KANSL1: variants seen among roughly 807,000 people sequenced by gnomAD.
The protein encoded by KANSL1 is MLL1/MLL complex subunit KANSL1.
In KANSL1, 22 loss-of-function variants were observed where a neutral mutation model predicts 103.6. The ratio of observed to expected loss-of-function variants is 0.21; its 90% CI spans 0.15 to 0.30. The LOEUF is 0.30. Ranked by LOEUF, KANSL1 falls within the 10% of genes least tolerant of loss-of-function variation. KANSL1 has a pLI of 1.00. For synonymous variants in KANSL1, 600 were observed against 527.6 expected, an observed-to-expected ratio of 1.14 and a Z score of -1.88; for missense variants, 1,337 against 1,399.8, an observed-to-expected ratio of 0.96 and a Z score of 0.72.
At chr17:46,092,702 GTT>G (rs1182576324) in intron 3 of KANSL1, among the ~76,000 whole-genome samples, 4 of 33,434 alleles carry the variant, frequency 1.2e-4, no homozygotes, top group African/African-American at 6.4e-4. Flanking sequence ...CTGTTGGGTT[GTT>G]TTTTTTTTTT....
At chr17:46,158,271 A>G (rs1282242015) in intron 2 of KANSL1, among the ~76,000 whole-genome samples, 2 of 152,248 alleles carry the variant, frequency 1.3e-5, no homozygotes, top group Non-Finnish European at 2.9e-5. Context: ...TTCCTTTTTA[A>G]AAAAGCAAGA....
intron 8 of KANSL1, 121 bp downstream of exon 8, chr17:46,039,581 T>C: frequency 8.9e-7 from 1 of 1,118,580 alleles, no homozygotes; most frequent in Non-Finnish European, 1.3e-6. Flanking sequence ...GTGAGCTGAA[T>C]TTTTTATCGG....
intron 2 of KANSL1, among the ~76,000 whole-genome samples, chr17:46,100,541 T>C (rs1311177041): frequency 1.3e-5 from 2 of 152,074 alleles, no homozygotes; most frequent in Non-Finnish European, 2.9e-5. Context: ...TCAGCTTACA[T>C]GTTGGCTAAA....
At chr17:46,096,302 CTTTTTTTTCT>C (rs2042062691) in intron 2 of KANSL1, among the ~76,000 whole-genome samples, 1 of 82,566 alleles carries the variant, frequency 1.2e-5, no homozygotes, top group African/African-American at 5.4e-5. Flanking sequence ...ACATACCTGG[CTTTTTTTTCT>C]TTTTTTTTTT....
intron 2 of KANSL1, among the ~76,000 whole-genome samples, chr17:46,115,115 C>T (rs2042987160): frequency 6.6e-6 from 1 of 152,050 alleles, no homozygotes; most frequent in Non-Finnish European, 1.5e-5. Flanking sequence ...GGCAGGAGTG[C>T]AATGCACAAT....
intron 4 of KANSL1, among the ~76,000 whole-genome samples, chr17:46,080,743 T>C (rs1449345817): frequency 1.3e-5 from 2 of 150,992 alleles, no homozygotes; most frequent in East Asian, 1.9e-4. Flanking sequence ...CTTAATACTT[T>C]CTGAACGCTT....
intron 10 of KANSL1, 61 bp from the exon 11 acceptor site, chr17:46,034,346 T>C (rs2077090653): frequency 1.9e-6 from 3 of 1,583,904 alleles, no homozygotes; most frequent in Non-Finnish European, 1.7e-6. Context: ...AAATCATTCA[T>C]CTAAGAGTTA....
chr17:46,219,647 T>G (rs2048457257), intron 1 of KANSL1, among the ~76,000 whole-genome samples: 1 of 152,282 alleles, frequency 6.6e-6, no homozygotes, highest in Admixed American at 6.5e-5. Context: ...ATTACAGGCG[T>G]GAGCCATCGC....
chr17:46,183,065 T>G (rs1468020988), intron 1 of KANSL1, among the ~76,000 whole-genome samples: 1 of 152,210 alleles, frequency 6.6e-6, no homozygotes, highest in African/African-American at 2.4e-5. Context: ...GCAATCCTCA[T>G]ACAGGCTGAG....
At chr17:46,209,016 A>T (rs1016341619) in intron 1 of KANSL1, among the ~76,000 whole-genome samples, 8 of 151,534 alleles carry the variant, frequency 5.3e-5, no homozygotes, top group African/African-American at 1.9e-4. Flanking sequence ...ACTAAAAAAA[A>T]ACCAAAAACT....
intron 6 of KANSL1, among the ~76,000 whole-genome samples, chr17:46,064,593 TGA>T (rs1489969032): frequency 5.3e-5 from 8 of 152,198 alleles, no homozygotes; most frequent in Admixed American, 3.3e-4. Context: ...TTCATCTTAC[TGA>T]TCCTGTCTGT....
chr17:46,214,382 G>A (rs1387064572), intron 1 of KANSL1, among the ~76,000 whole-genome samples: 1 of 152,196 alleles, frequency 6.6e-6, no homozygotes, highest in East Asian at 1.9e-4. Flanking sequence ...GGCCGGGTAT[G>A]GTGGCTCACG....
At chr17:46,160,376 C>A (rs906696473) in intron 2 of KANSL1, among the ~76,000 whole-genome samples, 3 of 152,194 alleles carry the variant, frequency 2.0e-5, no homozygotes, top group African/African-American at 7.2e-5. Context: ...CGACTCACTG[C>A]AACCTCTACC....
intron 4 of KANSL1, among the ~76,000 whole-genome samples, chr17:46,079,584 T>C (rs1035659601): frequency 3.9e-5 from 6 of 152,260 alleles, no homozygotes; most frequent in Non-Finnish European, 2.9e-5. Flanking sequence ...TGAGTAATCA[T>C]ATTCCTGCAT....
chr17:46,064,579 A>T (rs960463526), intron 6 of KANSL1, among the ~76,000 whole-genome samples: 1 of 152,132 alleles, frequency 6.6e-6, no homozygotes, highest in Non-Finnish European at 1.5e-5. Flanking sequence ...CTCAATTCTC[A>T]GCCTTCATCT....
rs140181991 is a variant in KANSL1, at chr17:46,171,344, T to C, written c.800A>G (p.Lys267Arg). Reference protein sequence around the residue: ...NLGGVKLEGKKSPLSSILFSA... With the variant: ...NLGGVKLEGKRSPLSSILFSA... ...GAAAAGAATGGAAGACAGGGGAGACTTTTTACCCTCCAATTTGACACCCCC... is the reference window on the plus strand; with the variant it reads ...GAAAAGAATGGAAGACAGGGGAGACCTTTTACCCTCCAATTTGACACCCCC... Residue 267 changes from lysine to arginine, a missense_variant, in exon 2 of 15, where the codon AAG becomes AGG. Transcript: ENST00000432791. The C allele has an allele frequency of 4.3e-4, 690 of 1,614,148 alleles. 3 individuals are homozygous for C. The highest frequency in any genetic ancestry group is 1.5e-4 in the Non-Finnish European group (173 of 1,180,036).
chr17:46,081,636 G>A (rs564065972), intron 4 of KANSL1, among the ~76,000 whole-genome samples: 1 of 152,254 alleles, frequency 6.6e-6, no homozygotes, highest in East Asian at 1.9e-4. Flanking sequence ...ATGCGTTCCT[G>A]CTAACAATGA....
At chr17:46,084,048 T>TA (rs1440467733) in intron 3 of KANSL1, among the ~76,000 whole-genome samples, 1 of 152,198 alleles carries the variant, frequency 6.6e-6, no homozygotes, top group African/African-American at 2.4e-5. Context: ...ACTGCCTCCC[T>TA]ATTCTGGAAT....
At chr17:46,074,846 C>T (rs2078703249) in intron 4 of KANSL1, among the ~76,000 whole-genome samples, 1 of 151,870 alleles carries the variant, frequency 6.6e-6, no homozygotes, top group Non-Finnish European at 1.5e-5. Context: ...GCTAATTTTA[C>T]AGAGGAGAAA....
Sources: allele counts gnomAD v4.1 joint callset (sites outside exome capture counted in the v4.1 genomes callset), GRCh38; gene constraint gnomAD v4.1.1; transcripts MANE v1.5; gene names NCBI Gene and HGNC (gene_info 2026-07-23, HGNC 2026-07-21).